The following FECH variants were observed in gnomAD, a reference collection of about 807,000 sequenced individuals.
FECH encodes ferrochelatase.
In FECH, 40 loss-of-function variants were observed where a neutral mutation model predicts 56.9. The ratio of observed to expected loss-of-function variants is 0.70; its 90% CI spans 0.55 to 0.92. The LOEUF (loss-of-function observed/expected upper bound fraction) is 0.92. FECH is among the 40% of genes least tolerant of loss of function. FECH has a pLI of 0.00. For missense variants in FECH, 431 were observed against 529.1 expected, an observed-to-expected ratio of 0.81 and a Z score of 1.82; for synonymous variants, 175 against 198.6, an observed-to-expected ratio of 0.88 and a Z score of 1.00.
chr18:57,554,909 G>A lies in FECH; in HGVS notation c.848C>T (p.Thr283Ile). 2 of 1,614,160 alleles carry A rather than the reference G, an allele frequency of 1.2e-6. No individual in the cohort carries two copies. The highest frequency in any genetic ancestry group is 1.7e-6 in the Non-Finnish European group (2 of 1,180,012). The change falls in exon 8 of 11, where the codon ACT becomes ATT. Residue 283 changes from threonine to isoleucine, a missense_variant. Thr to Ile is a moderately conservative substitution (Grantham distance 89). Transcript: ENST00000262093. Reference protein sequence around the residue: ...GDPYPQEVSATVQKVMERLEY... With the variant: ...GDPYPQEVSAIVQKVMERLEY... Reference sequence around the variant, plus strand: ...CAGCCTTTCCATGACTTTTTGGACAGTGGCGCTTACCTCCTGAGGATATGG... The same window carrying A: ...CAGCCTTTCCATGACTTTTTGGACAATGGCGCTTACCTCCTGAGGATATGG...
At chr18:57,584,424 T>C (rs2051335296) in intron 1 of FECH, among the ~76,000 whole-genome samples, 1 of 151,328 alleles carries the variant, frequency 6.6e-6, no homozygotes, top group Non-Finnish European at 1.5e-5. Context: ...ACTTAAGAAG[T>C]TCCTAAGTTA....
chr18:57,578,268 A>G (rs532748432), intron 2 of FECH, among the ~76,000 whole-genome samples: 1 of 152,222 alleles, frequency 6.6e-6, no homozygotes, highest in African/African-American at 2.4e-5. Context: ...CAGATGAAGA[A>G]GGTATCTAAT....
At chr18:57,577,583 G>T (rs190375416) in intron 2 of FECH, among the ~76,000 whole-genome samples, 1 of 152,112 alleles carries the variant, frequency 6.6e-6, no homozygotes, top group African/African-American at 2.4e-5. Context: ...AATCACCTAC[G>T]TGTCCCAGAA....
At chr18:57,584,848 A>G (rs1296021387) in intron 1 of FECH, among the ~76,000 whole-genome samples, 1 of 144,594 alleles carries the variant, frequency 6.9e-6, no homozygotes, top group Non-Finnish European at 1.5e-5. Context: ...TGCTCAGTGA[A>G]AAAAAATGTT....
chr18:57,582,642 G>A (rs1169588109), intron 1 of FECH, among the ~76,000 whole-genome samples: 4 of 151,832 alleles, frequency 2.6e-5, no homozygotes, highest in African/African-American at 7.3e-5. Context: ...GGCCGGGCGC[G>A]GTGGTTCATG....
Position 57,550,711 on chromosome 18 carries a change from G to T in FECH, c.*1C>A, listed in dbSNP as rs770247369. ...AACGCCACGGGGTCCACCGGCGGGG[G>T]TCACAGCTGCTGGCTGGTGAAGAAG... On this transcript the variant is annotated 3_prime_UTR_variant, in exon 11 of 11. Coordinates refer to ENST00000262093, the MANE Select transcript of FECH (RefSeq NM_000140.5). 4 of 1,614,064 alleles carry T rather than the reference G, an allele frequency of 2.5e-6. No individual in the cohort carries two copies. In the Admixed American group the frequency reaches 6.7e-5, roughly 27 times the overall value.
intron 2 of FECH, 38 bp downstream of exon 2, chr18:57,580,035 A>T (rs2051252181): frequency 6.2e-7 from 1 of 1,613,066 alleles, no homozygotes; most frequent in Non-Finnish European, 8.5e-7. Context: ...GCATCGATAA[A>T]GAGAAATTCT....
rs988678021 is a variant in FECH at position 57,545,557 on chromosome 18, G to A, written c.*5155C>T. ...ACCTCCCAGAACTACTCTTTGGCAA[G>A]ATGCATCAGACGCACGGAGCGATGG... On this transcript the variant is annotated 3_prime_UTR_variant, in exon 11 of 11. Transcript: ENST00000262093. Among the ~76,000 whole-genome samples the A allele has an allele frequency of 1.4e-4, 21 of 152,198 alleles. No homozygotes were observed. The highest frequency in any genetic ancestry group is 2.5e-4 in the Non-Finnish European group (17 of 68,046).
At chr18:57,562,769 A>G in intron 6 of FECH, 105 bp downstream of exon 6, 2 of 816,918 alleles carry the variant, frequency 2.4e-6, no homozygotes, top group Non-Finnish European at 4.3e-6. Context: ...CAATTTAAGC[A>G]AGGGAACAGT....
chr18:57,561,893 C>T (rs2050948854), intron 6 of FECH, among the ~76,000 whole-genome samples: 2 of 152,194 alleles, frequency 1.3e-5, no homozygotes, highest in South Asian at 4.1e-4. Flanking sequence ...CACAACTACA[C>T]CCACCCCTAA....
chr18:57,586,221 T>A (rs1204855507), intron 1 of FECH, among the ~76,000 whole-genome samples: 2 of 152,144 alleles, frequency 1.3e-5, no homozygotes, highest in Non-Finnish European at 2.9e-5. Context: ...TAACATACCT[T>A]CCCTCGCGTA....
rs1158035594 is a variant in FECH, at chr18:57,554,202, G to GA, written c.1077+57dup. On this transcript the variant is annotated intron_variant, in intron 9 of 10. Coordinates refer to ENST00000262093, the MANE Select transcript of FECH (RefSeq NM_000140.5). ...CTGAATGATACATTAGTTAGTTGCAGAAAAAATTTCCTTTTAAAACAAGTC... is the reference window on the plus strand; with the variant it reads ...CTGAATGATACATTAGTTAGTTGCAGAAAAAAATTTCCTTTTAAAACAAGTC... The GA allele has an allele frequency of 1.5e-5, 24 of 1,597,308 alleles. No individual in the cohort carries two copies. In the African/African-American group the frequency reaches 2.3e-4, roughly 15 times the overall value.
intron 5 of FECH, 58 bp from the exon 6 acceptor site, chr18:57,563,038 C>A: frequency 7.2e-7 from 1 of 1,393,218 alleles, no homozygotes; most frequent in Non-Finnish European, 1.0e-6. Flanking sequence ...AAATAAAAAA[C>A]AGACTCGTAA....
chr18:57,559,312 T>A, intron 6 of FECH, 69 bp from the exon 7 acceptor site: 1 of 1,166,258 alleles, frequency 8.6e-7, no homozygotes, highest in Non-Finnish European at 1.3e-6. Flanking sequence ...AAGAAAATAA[T>A]TTTAAAATGA....
At position 57,584,257 on chromosome 18, in the gene FECH, T is replaced by C. The variant is rs145883050; in HGVS notation, c.67+2297A>G. 7.8e-5 allele frequency among the ~76,000 whole-genome samples: 11 copies of C among 141,540 alleles called. No individual in the cohort carries two copies. In the East Asian group the frequency reaches 2.3e-3, roughly 29 times the overall value. 92.9% of individuals were successfully genotyped at this position (141,540 alleles called of 152,430 possible). On this transcript the variant is annotated intron_variant, in intron 1 of 10. Transcript: ENST00000262093. ...CTGTAGTCCCAACTACTTGGAAGAC[T>C]GAGGCAGGAGGCTCACTTGAGCTCA...
In FECH at chr18:57,561,795, G is replaced by T. The variant is rs527630037; in HGVS notation, c.705+1079C>A. On this transcript the variant is annotated intron_variant, in intron 6 of 10. Transcript: ENST00000262093. ...AAACCCCCCTCCTTTCCAATCGCAG[G>T]CCTCCCAAAGCAAAACCCAGGCTGC... Among the ~76,000 whole-genome samples, 10 of 152,132 alleles carry T rather than the reference G, an allele frequency of 6.6e-5. No homozygotes were observed. In the South Asian group the frequency reaches 1.9e-3, roughly 29 times the overall value.
rs150685121 is a variant in FECH, at chr18:57,564,055, T to G, written c.599-1075A>C. Among the ~76,000 whole-genome samples the G allele has an allele frequency of 5.8e-4, 89 of 152,200 alleles. No individual in the cohort carries two copies. In the East Asian group the frequency reaches 0.015, roughly 26 times the overall value. On this transcript the variant is annotated intron_variant, in intron 5 of 10. Coordinates refer to ENST00000262093, the MANE Select transcript of FECH (RefSeq NM_000140.5). ...CACTACGCCTGGCTAATTTTTTACT[T>G]TTAGTAGAGACGGGGTTTCTCCATG...
At chr18:57,579,704 T>G (rs1259104557) in intron 2 of FECH, among the ~76,000 whole-genome samples, 1 of 152,256 alleles carries the variant, frequency 6.6e-6, no homozygotes, top group Non-Finnish European at 1.5e-5. Flanking sequence ...AAATTCTTGG[T>G]AGACCAGTTA....
At position 57,571,436 on chromosome 18, in the gene FECH, C is replaced by G; in HGVS notation, c.419G>C (p.Gly140Ala). ...ATCCAGCAGCTTCACCATGCCCTCT[C>G]CCTGCTTGGAAGTCCATATCTTGAT... ...SPIKIWTSKQGEGMVKLLDEL... is the reference protein window; with the variant it reads ...SPIKIWTSKQAEGMVKLLDEL... Residue 140 changes from glycine (G) to alanine (A), a missense_variant, in exon 4 of 11, where the codon GGA becomes GCA. Transcript: ENST00000262093. 1 of 1,613,958 alleles carries G rather than the reference C, an allele frequency of 6.2e-7. No homozygotes were observed. The highest frequency in any genetic ancestry group is 1.1e-5 in the South Asian group (1 of 91,068).
Sources: allele counts gnomAD v4.1 joint callset (sites outside exome capture counted in the v4.1 genomes callset), GRCh38; gene constraint gnomAD v4.1.1; transcripts MANE v1.5; gene names NCBI Gene and HGNC (gene_info 2026-07-23, HGNC 2026-07-21).